The following SYT17 variants were observed in gnomAD, a reference collection of about 807,000 sequenced individuals.
SYT17 encodes the protein synaptotagmin-17.
In SYT17, 22 loss-of-function variants were observed where a neutral mutation model predicts 46.7. The ratio of observed to expected loss-of-function variants is 0.47; its 90% CI spans 0.34 to 0.67. The LOEUF is 0.67. SYT17 is among the 30% of genes least tolerant of loss of function. The pLI, the probability that SYT17 is intolerant of heterozygous loss-of-function variation, is 0.01. For missense variants in SYT17, 519 were observed against 612.8 expected (o/e 0.85, Z 1.62); for synonymous variants, 251 against 248.4 (o/e 1.01, Z -0.10).
intron 5 of SYT17, among the ~76,000 whole-genome samples, chr16:19,207,812 G>A (rs1405502630): frequency 6.6e-6 from 1 of 152,028 alleles, no homozygotes; most frequent in Non-Finnish European, 1.5e-5. Flanking sequence ...AGGGCAACAG[G>A]ATCACTCGAG....
chr16:19,184,938 G>C (rs115619066), intron 5 of SYT17, among the ~76,000 whole-genome samples: 1 of 152,092 alleles, frequency 6.6e-6, no homozygotes, highest in Non-Finnish European at 1.5e-5. Flanking sequence ...TTGGCTGCTC[G>C]GGAAGCCACC....
chr16:19,186,749 C>T (rs1434134463), intron 5 of SYT17, among the ~76,000 whole-genome samples: 1 of 152,154 alleles, frequency 6.6e-6, no homozygotes, highest in African/African-American at 2.4e-5. Flanking sequence ...GAAGCGTCAT[C>T]TGGACCCTTA....
At chr16:19,195,695 G>T (rs142369225) in intron 5 of SYT17, among the ~76,000 whole-genome samples, 1 of 152,240 alleles carries the variant, frequency 6.6e-6, no homozygotes, top group East Asian at 1.9e-4. Context: ...ACTCCAGCCA[G>T]GGTGAAGGAG....
rs938807491 is a variant in SYT17, at chr16:19,259,799, A to G, written c.1229-7081A>G. ...TGTAAACCAAAAAGTGTCTGAGACAAGTCGCAATCAGTTTGGGAGTTTATT... is the reference window on the plus strand; with the variant it reads ...TGTAAACCAAAAAGTGTCTGAGACAGGTCGCAATCAGTTTGGGAGTTTATT... On this transcript the variant is annotated intron_variant, in intron 7 of 7. Transcript: ENST00000355377. Among the ~76,000 whole-genome samples, 15 of 152,284 alleles carry G rather than the reference A, an allele frequency of 9.9e-5. No homozygotes were observed. In the East Asian group the frequency reaches 2.9e-3, roughly 29 times the overall value.
chr16:19,246,798 T>C (rs1337135810), intron 7 of SYT17, among the ~76,000 whole-genome samples: 2 of 152,150 alleles, frequency 1.3e-5, no homozygotes, highest in African/African-American at 4.8e-5. Context: ...TATTCATGAG[T>C]CCCTCTTATG....
chr16:19,239,746 C>T (rs1013604023), intron 7 of SYT17, among the ~76,000 whole-genome samples: 1 of 152,210 alleles, frequency 6.6e-6, no homozygotes, highest in African/African-American at 2.4e-5. Context: ...CTGAGTTTTG[C>T]CTGGACCCAC....
intron 5 of SYT17, among the ~76,000 whole-genome samples, chr16:19,195,546 T>C (rs1250094211): frequency 6.6e-6 from 1 of 151,958 alleles, no homozygotes; most frequent in Admixed American, 6.6e-5. Context: ...TGAAACCTCA[T>C]CTTTACTAAA....
At chr16:19,264,956 GT>G (rs1298260400) in intron 7 of SYT17, among the ~76,000 whole-genome samples, 2 of 152,174 alleles carry the variant, frequency 1.3e-5, no homozygotes, top group Non-Finnish European at 2.9e-5. Flanking sequence ...TAGAAGGGAA[GT>G]TTCTGCATTG....
intron 1 of SYT17, among the ~76,000 whole-genome samples, chr16:19,169,428 G>A (rs1364432334): frequency 6.6e-6 from 1 of 152,236 alleles, no homozygotes; most frequent in East Asian, 1.9e-4. Context: ...AGGCAGACCC[G>A]CAGTGAGACC....
At chr16:19,218,851 G>C (rs1036704210) in intron 5 of SYT17, among the ~76,000 whole-genome samples, 3 of 152,146 alleles carry the variant, frequency 2.0e-5, no homozygotes, top group African/African-American at 7.2e-5. Flanking sequence ...CACACTGACT[G>C]AGTGATGCCG....
At chr16:19,235,904 A>AT (rs2142930760) in intron 7 of SYT17, among the ~76,000 whole-genome samples, 1 of 152,350 alleles carries the variant, frequency 6.6e-6, no homozygotes, top group African/African-American at 2.4e-5. Context: ...AGTGAAAAAA[A>AT]TCGGGGAAAG....
intron 7 of SYT17, among the ~76,000 whole-genome samples, chr16:19,227,343 A>G (rs1242963297): frequency 1.5e-5 from 2 of 132,554 alleles, no homozygotes; most frequent in Non-Finnish European, 1.6e-5. Context: ...TTTTGAGACA[A>G]TCTCATTCTG....
At chr16:19,168,205 C>A (rs550067019), upstream of SYT17, 1 of 196,266 alleles carries the variant, frequency 5.1e-6, no homozygotes, top group South Asian at 8.0e-5. This position sits in a 1 kb window ranked among gnomAD's most constrained non-coding sequence, Gnocchi z 6.9. Flanking sequence ...CCTCCCACCC[C>A]CTTCCCCATT....
At chr16:19,201,411 T>A (rs973789735) in intron 5 of SYT17, among the ~76,000 whole-genome samples, 16 of 151,984 alleles carry the variant, frequency 1.1e-4, no homozygotes, top group African/African-American at 3.9e-4. Flanking sequence ...TCTTACACAG[T>A]AGGTTATCAG....
At chr16:19,266,311 G>C (rs1044721142) in intron 7 of SYT17, among the ~76,000 whole-genome samples, 14 of 152,220 alleles carry the variant, frequency 9.2e-5, no homozygotes, top group Non-Finnish European at 1.6e-4. Context: ...AAGACATTTG[G>C]GGTTGTCACA....
At chr16:19,249,843 C>T (rs1254733662) in intron 7 of SYT17, 1 of 1,283,844 alleles carries the variant, frequency 7.8e-7, no homozygotes, top group Non-Finnish European at 1.1e-6. Context: ...ATTGGGATAA[C>T]CTGGAGTCAC....
At position 19,178,249 on chromosome 16, in the gene SYT17, A is replaced by ATT. The variant is rs35438100; in HGVS notation, c.183-2137_183-2136dup. ...AGGCGTCCGCCACCACGCCCGGCTA[A>ATT]TTTTTTGTATTTTTTTTAGTAGAGA... is the stretch of plus-strand genomic sequence containing the variant. On this transcript the variant is annotated intron_variant, in intron 3 of 7. Transcript: ENST00000355377. Among the ~76,000 whole-genome samples the ATT allele has an allele frequency of 3.0e-3, 458 of 151,210 alleles. 1 individual carries two copies. Among genetic ancestry groups the ATT allele is most frequent in the Non-Finnish European group, 5.2e-3 (351 of 67,778 alleles).
At chr16:19,196,305 T>G (rs912684298) in intron 5 of SYT17, among the ~76,000 whole-genome samples, 3 of 151,686 alleles carry the variant, frequency 2.0e-5, no homozygotes, top group Non-Finnish European at 4.4e-5. Context: ...TGCAATGGCA[T>G]GATCTCGGCT....
At chr16:19,200,035 C>T (rs760423914) in intron 5 of SYT17, among the ~76,000 whole-genome samples, 20 of 152,148 alleles carry the variant, frequency 1.3e-4, no homozygotes, top group Non-Finnish European at 1.8e-4. Flanking sequence ...CACAGTCATC[C>T]AGTTAGTAAA....
Sources: allele counts gnomAD v4.1 joint callset (sites outside exome capture counted in the v4.1 genomes callset), GRCh38; gene constraint gnomAD v4.1.1; non-coding constraint Gnocchi (gnomAD v3.1); transcripts MANE v1.5; gene names NCBI Gene and HGNC (gene_info 2026-07-23, HGNC 2026-07-21).